FSTL5: variants seen among roughly 807,000 people sequenced by gnomAD.
FSTL5 encodes follistatin-related protein 5.
A neutral mutation model predicts 89.1 loss-of-function variants in FSTL5; 62 were observed. The ratio of observed to expected loss-of-function variants is 0.70; its 90% CI spans 0.57 to 0.86. The LOEUF is 0.86. Ranked by LOEUF, FSTL5 falls within the 40% of genes least tolerant of loss-of-function variation. The pLI is 0.00. For synonymous variants in FSTL5, 383 were observed against 346.2 expected (o/e 1.11, Z -1.18); for missense variants, 1,057 against 1,001.6 (o/e 1.06, Z -0.75).
At chr4:161,439,920 C>G (rs897616987) in intron 15 of FSTL5, among the ~76,000 whole-genome samples, 1 of 152,110 alleles carries the variant, frequency 6.6e-6, no homozygotes, top group African/African-American at 2.4e-5. Context: ...TGAATGGGGT[C>G]TGAGTTAAGC....
In FSTL5 at chr4:161,627,714, A is replaced by C. The variant is rs376187893; in HGVS notation, c.894+28614T>G. On this transcript the variant is annotated intron_variant, in intron 7 of 15. Transcript: ENST00000306100. ...CCTAAGTCAAAAGTAGTGTACAACCAGATAATTTCCCATATGACAATTTTG... is the reference window on the plus strand; with the variant it reads ...CCTAAGTCAAAAGTAGTGTACAACCCGATAATTTCCCATATGACAATTTTG... Among the ~76,000 whole-genome samples the C allele has an allele frequency of 4.6e-5, 7 of 152,314 alleles. No individual in the cohort carries two copies. The East Asian group carries it at 1.2e-3, about 25-fold the overall frequency.
chr4:161,701,274 A>T (rs183957610), intron 6 of FSTL5, among the ~76,000 whole-genome samples: 2 of 152,328 alleles, frequency 1.3e-5, no homozygotes, highest in Admixed American at 1.3e-4. Flanking sequence ...GAAAGAAAAA[A>T]TAATAATATG....
At chr4:161,806,569 A>G (rs2126834944) in intron 4 of FSTL5, among the ~76,000 whole-genome samples, 1 of 152,316 alleles carries the variant, frequency 6.6e-6, no homozygotes, top group East Asian at 1.9e-4. Flanking sequence ...TGACAATAAA[A>G]ATGCCTCAGA....
At chr4:162,127,649 C>T (rs911111422) in intron 1 of FSTL5, among the ~76,000 whole-genome samples, 4 of 151,888 alleles carry the variant, frequency 2.6e-5, no homozygotes, top group African/African-American at 9.7e-5. Flanking sequence ...TATGTGCATT[C>T]ATGAGTTTTG....
At chr4:162,023,904 C>CA (rs887020584) in intron 3 of FSTL5, among the ~76,000 whole-genome samples, 2 of 152,066 alleles carry the variant, frequency 1.3e-5, no homozygotes, top group Admixed American at 6.6e-5. Flanking sequence ...GGGTATCCCA[C>CA]AAAAATGGCC....
chr4:162,123,285 T>A (rs17041990), intron 1 of FSTL5, among the ~76,000 whole-genome samples: 31,722 of 152,014 alleles, frequency 0.21, 3,539 homozygotes, highest in African/African-American at 0.22. Flanking sequence ...ACTTGCCCAT[T>A]CATAGGGGTC....
At chr4:161,405,580 C>T (rs1731346367) in intron 15 of FSTL5, among the ~76,000 whole-genome samples, 1 of 152,038 alleles carries the variant, frequency 6.6e-6, no homozygotes. Flanking sequence ...TACCAAAATA[C>T]CAGTTACGCA....
rs746639397 is a variant in FSTL5, at chr4:161,455,143, C to T, written c.1717-15G>A. 12 of 1,584,044 alleles carry T rather than the reference C, an allele frequency of 7.6e-6. No homozygotes were observed. The African/African-American group carries it at 9.5e-5, about 13-fold the overall frequency. On this transcript the variant is annotated splice_polypyrimidine_tract_variant and intron_variant, in intron 14 of 15. Transcript: ENST00000306100. ...AGGGTAATTACCTAAAGAGAACACA[C>T]CTTGGTTAGACCTCAACAATGCAGT... is the stretch of plus-strand genomic sequence containing the variant.
intron 3 of FSTL5, among the ~76,000 whole-genome samples, chr4:161,927,049 A>G (rs1734146770): frequency 6.6e-6 from 1 of 151,890 alleles, no homozygotes; most frequent in Admixed American, 6.6e-5. Context: ...TATTTGTTCT[A>G]AAGTGTTTTA....
intron 2 of FSTL5, among the ~76,000 whole-genome samples, chr4:162,071,121 C>G (rs945820359): frequency 1.3e-5 from 2 of 151,734 alleles, no homozygotes; most frequent in Admixed American, 6.6e-5. Context: ...AAACATGTAA[C>G]TCTTCAACTA....
In FSTL5 at chr4:161,894,583, G is replaced by C. The variant is rs566719480; in HGVS notation, c.409+25821C>G. On this transcript the variant is annotated intron_variant, in intron 4 of 15. Coordinates refer to ENST00000306100, the MANE Select transcript of FSTL5 (RefSeq NM_020116.5). Reference sequence around the variant, plus strand: ...TGCAACTTCCACCTCCCAGGTTCAAGCGATTCTGCTTCAGCCTCTCCTGTA... The same window carrying C: ...TGCAACTTCCACCTCCCAGGTTCAACCGATTCTGCTTCAGCCTCTCCTGTA... 1.4e-4 allele frequency among the ~76,000 whole-genome samples: 22 copies of C among 152,190 alleles called. No homozygotes were observed. In the East Asian group the frequency reaches 4.3e-3, roughly 29 times the overall value.
At chr4:162,098,986 A>G in intron 2 of FSTL5, among the ~76,000 whole-genome samples, 1 of 152,242 alleles carries the variant, frequency 6.6e-6, no homozygotes, top group Admixed American at 6.5e-5. Flanking sequence ...CTTAAAGACT[A>G]TAAAATAGAA....
intron 1 of FSTL5, among the ~76,000 whole-genome samples, chr4:162,156,527 C>T (rs1388843): frequency 0.76 from 115,521 of 151,996 alleles, 44,284 homozygotes; most frequent in Non-Finnish European, 0.81. Context: ...ATGAAGAAAA[C>T]GTGGTACACA....
intron 8 of FSTL5, 90 bp downstream of exon 8, chr4:161,587,365 C>T: frequency 8.4e-7 from 1 of 1,187,436 alleles, no homozygotes; most frequent in Admixed American, 1.8e-5. Context: ...ATTATTAGTA[C>T]CTTGTAAAAA....
intron 1 of FSTL5, among the ~76,000 whole-genome samples, chr4:162,159,894 CA>C (rs1006153051): frequency 6.6e-6 from 1 of 151,312 alleles, no homozygotes; most frequent in Non-Finnish European, 1.5e-5. Context: ...ATTTTAATGC[CA>C]AAAAAACTGG....
chr4:161,976,865 T>G (rs974390220), intron 3 of FSTL5, among the ~76,000 whole-genome samples: 4 of 152,070 alleles, frequency 2.6e-5, no homozygotes, highest in African/African-American at 9.7e-5. Flanking sequence ...TCTACATAAA[T>G]GAGAATTACA....
rs559447153 is a variant in FSTL5, at chr4:161,719,479, G to A, written c.727+39932C>T. Among the ~76,000 whole-genome samples the A allele has an allele frequency of 1.7e-4, 26 of 152,172 alleles. 1 individual carries two copies. The South Asian group carries it at 5.2e-3, about 30-fold the overall frequency. On this transcript the variant is annotated intron_variant, in intron 6 of 15. Transcript: ENST00000306100. ...TGATTAAAGTTGCTTTGGCTATTTA[G>A]GAAATTTTTAGAATAGTGTTTTCTA...
At chr4:162,145,554 C>CCTAT (rs1274021805) in intron 1 of FSTL5, among the ~76,000 whole-genome samples, 3 of 152,032 alleles carry the variant, frequency 2.0e-5, no homozygotes, top group African/African-American at 7.2e-5. Flanking sequence ...TGAAGAGTAG[C>CCTAT]CTATCTCATG....
intron 4 of FSTL5, among the ~76,000 whole-genome samples, chr4:161,798,711 A>G (rs535316163): frequency 1.3e-4 from 20 of 151,824 alleles, no homozygotes; most frequent in African/African-American, 4.8e-4. Flanking sequence ...TTCCAACAAT[A>G]TAATCTGGTG....
Sources: gnomAD v4.1 joint callset for allele counts (sites outside exome capture counted in the v4.1 genomes callset) on GRCh38, gnomAD v4.1.1 for gene constraint, MANE v1.5 for transcripts, NCBI Gene and HGNC (gene_info 2026-07-23, HGNC 2026-07-21) for gene names.